The following GLB1 variants were observed in gnomAD, a reference collection of about 807,000 sequenced individuals.
GLB1 encodes beta-galactosidase.
Under a neutral mutation model 74.0 loss-of-function variants are expected in GLB1, and 56 were observed. The observed-to-expected ratio is 0.76, with a 90% CI of 0.61 to 0.94. GLB1 has a LOEUF of 0.94. GLB1 is among the 40% of genes least tolerant of loss of function. The pLI, the probability that GLB1 is intolerant of heterozygous loss-of-function variation, is 0.00. For missense variants in GLB1, 787 were observed against 845.5 expected (o/e 0.93, Z 0.86); for synonymous variants, 323 against 323.6 (o/e 1.00, Z 0.02).
chr3:33,003,019 A>G (rs909551066), intron 15 of GLB1, among the ~76,000 whole-genome samples: 2 of 152,230 alleles, frequency 1.3e-5, no homozygotes, highest in African/African-American at 4.8e-5. Flanking sequence ...ATAGATCTCA[A>G]TGAAATACAC....
chr3:32,978,767 T>TTCTTTC, the GLB1 span, among the ~76,000 whole-genome samples: 1 of 140,280 alleles, frequency 7.1e-6, no homozygotes, highest in South Asian at 2.4e-4. Flanking sequence ...CTTTCTTTCT[T>TTCTTTC]TTTTTTTTTT....
At chr3:32,964,001 C>A in the GLB1 span, among the ~76,000 whole-genome samples, 1 of 152,172 alleles carries the variant, frequency 6.6e-6, no homozygotes, top group Non-Finnish European at 1.5e-5. Flanking sequence ...CACCTGCCCA[C>A]AGAGATGTGC....
At chr3:32,983,873 C>G in the GLB1 span, among the ~76,000 whole-genome samples, 1 of 150,940 alleles carries the variant, frequency 6.6e-6, no homozygotes, top group Non-Finnish European at 1.5e-5. Flanking sequence ...TTTGTAGAGA[C>G]AGGGTCTCCC....
the GLB1 span, among the ~76,000 whole-genome samples, chr3:32,975,304 CAA>C: frequency 6.6e-6 from 1 of 152,130 alleles, no homozygotes; most frequent in Non-Finnish European, 1.5e-5. Context: ...AGGCTGGTTT[CAA>C]AGTCCTGGGC....
intron 15 of GLB1, among the ~76,000 whole-genome samples, chr3:33,001,264 T>G (rs1360836708): frequency 6.6e-6 from 1 of 151,852 alleles, no homozygotes; most frequent in East Asian, 1.9e-4. Context: ...ATTGCCAAGG[T>G]TGGACTCCAG....
chr3:32,996,011 G>T (rs1487207920), downstream of GLB1, among the ~76,000 whole-genome samples: 2 of 152,084 alleles, frequency 1.3e-5, no homozygotes, highest in Non-Finnish European at 2.9e-5. Context: ...TAATATTTAT[G>T]TATGCAATGT....
At chr3:33,096,828 G>A (rs1701052673) in intron 1 of GLB1, 183 bp downstream of exon 1, 4 of 1,368,030 alleles carry the variant, frequency 2.9e-6, no homozygotes, top group Non-Finnish European at 3.8e-6. Flanking sequence ...GCCCCGCCCG[G>A]CCCGCCCCCG....
At chr3:33,039,113 A>C (rs966388632) in intron 10 of GLB1, among the ~76,000 whole-genome samples, 1 of 151,946 alleles carries the variant, frequency 6.6e-6, no homozygotes, top group Non-Finnish European at 1.5e-5. Flanking sequence ...AACATGGTGA[A>C]TCCCCATCTC....
the GLB1 span, among the ~76,000 whole-genome samples, chr3:32,975,129 T>C: frequency 6.6e-6 from 1 of 152,202 alleles, no homozygotes; most frequent in African/African-American, 2.4e-5. Flanking sequence ...TCACTCAGGC[T>C]GGAGTGCAGT....
At chr3:33,024,149 G>A (rs896731094) in intron 11 of GLB1, 102 bp downstream of exon 11, 10 of 1,336,728 alleles carry the variant, frequency 7.5e-6, no homozygotes, top group East Asian at 2.5e-5. Context: ...GAAAAATAAC[G>A]AACCAATTCC....
chr3:33,051,603 C>CAAAAAAA (rs59740209), intron 9 of GLB1, among the ~76,000 whole-genome samples, 155 bp downstream of exon 9: 21 of 74,704 alleles, frequency 2.8e-4, no homozygotes, highest in African/African-American at 6.0e-4. Context: ...AGACTGTCTA[C>CAAAAAAA]AAAAAAAAAA....
intron 5 of GLB1, chr3:33,061,740 T>C (rs1381011761): frequency 6.6e-6 from 1 of 152,248 alleles, no homozygotes; most frequent in Non-Finnish European, 1.5e-5. Flanking sequence ...AGTTAAGTTG[T>C]GGGTGGAAGG....
At chr3:33,015,207 G>A (rs1191121115) in intron 14 of GLB1, among the ~76,000 whole-genome samples, 1 of 152,152 alleles carries the variant, frequency 6.6e-6, no homozygotes, top group Non-Finnish European at 1.5e-5. Context: ...CAAAGGAATA[G>A]TCATCCCACT....
intron 6 of GLB1, among the ~76,000 whole-genome samples, chr3:33,055,538 G>C (rs1699181021): frequency 6.9e-6 from 1 of 145,518 alleles, no homozygotes; most frequent in South Asian, 2.2e-4. Context: ...TCAGCTCACT[G>C]CAACCTCTGG....
At chr3:32,994,969 G>A (rs539630024), downstream of GLB1, among the ~76,000 whole-genome samples, 36 of 151,962 alleles carry the variant, frequency 2.4e-4, no homozygotes, top group Non-Finnish European at 4.3e-4. Context: ...AACTTCCTGG[G>A]TAAGGGGTGG....
chr3:33,021,493 G>C, intron 12 of GLB1, 73 bp downstream of exon 12: 1 of 1,509,246 alleles, frequency 6.6e-7, no homozygotes, highest in Non-Finnish European at 9.1e-7. Context: ...TTCAGAATGG[G>C]CACTGCAAGG....
chr3:33,040,966 A>G (rs1698473220), intron 10 of GLB1, among the ~76,000 whole-genome samples: 1 of 152,250 alleles, frequency 6.6e-6, no homozygotes, highest in Non-Finnish European at 1.5e-5. Flanking sequence ...GCTACTAAAG[A>G]GAAAGCAACA....
In GLB1 at chr3:33,093,861, T is replaced by A; in HGVS notation, c.75+3150A>T. On this transcript the variant is annotated intron_variant, in intron 1 of 15. Coordinates refer to ENST00000307363, the MANE Select transcript of GLB1 (RefSeq NM_000404.4). This position sits in a 1 kb window ranked among gnomAD's most constrained non-coding sequence, Gnocchi z 6.0. ...GGAGTAGGCCGCCAAGGAAAAGAGA[T>A]AGGGCTCTTCGGCCACTAAAAAGAA... 6.2e-7 allele frequency: 1 copy of A among 1,613,716 alleles called. No individual in the cohort carries two copies. The highest frequency in any genetic ancestry group is 8.5e-7 in the Non-Finnish European group (1 of 1,179,854).
intron 1 of GLB1, chr3:33,090,910 G>A: frequency 1.0e-6 from 1 of 985,246 alleles, no homozygotes; most frequent in Middle Eastern, 5.2e-4. Context: ...AAAGAAAAGA[G>A]GTAAGGATGC....
Sources: gnomAD v4.1 joint callset for allele counts (sites outside exome capture counted in the v4.1 genomes callset) on GRCh38, gnomAD v4.1.1 for gene constraint, Gnocchi (gnomAD v3.1) non-coding constraint, MANE v1.5 for transcripts, NCBI Gene and HGNC (gene_info 2026-07-23, HGNC 2026-07-21) for gene names.